Variants in GAS6 observed in about 807,000 individuals in gnomAD.
GAS6 encodes growth arrest specific 6.
Under a neutral mutation model 75.8 loss-of-function variants are expected in GAS6, and 41 were observed. The observed-to-expected ratio is 0.54, with a 90% confidence interval of 0.42 to 0.70. The LOEUF (loss-of-function observed/expected upper bound fraction) is 0.70. GAS6 is among the 30% of genes least tolerant of loss of function. The pLI, the probability that GAS6 is intolerant of heterozygous loss-of-function variation, is 0.00. For missense variants in GAS6, 854 were observed against 940.2 expected, an observed-to-expected ratio of 0.91 and a Z score of 1.20; for synonymous variants, 432 against 412.6, an observed-to-expected ratio of 1.05 and a Z score of -0.57.
intron 4 of GAS6, chr13:113,842,369 C>T: frequency 2.6e-6 from 1 of 390,204 alleles, no homozygotes; most frequent in Non-Finnish European, 4.5e-6. Context: ...TACTCTGAAG[C>T]ACACAGGGGC....
intron 5 of GAS6, among the ~76,000 whole-genome samples, chr13:113,838,501 C>T (rs1283236122): frequency 1.4e-4 from 19 of 135,434 alleles, no homozygotes; most frequent in African/African-American, 5.1e-4. Context: ...GAGGGGACCC[C>T]GGGGGTGCAC....
intron 2 of GAS6, among the ~76,000 whole-genome samples, chr13:113,858,537 C>A (rs111044084): frequency 0.46 from 64,760 of 140,536 alleles, 18,345 homozygotes; most frequent in African/African-American, 0.8. Context: ...GTGTGCATGT[C>A]TGTGTACGTC....
intron 2 of GAS6, among the ~76,000 whole-genome samples, chr13:113,861,581 C>T (rs1468338235): frequency 1.3e-5 from 2 of 152,272 alleles, no homozygotes; most frequent in South Asian, 2.1e-4. Context: ...CTTGGACAGT[C>T]CCCTCGGGCC....
intron 5 of GAS6, chr13:113,839,476 C>T: frequency 2.2e-6 from 1 of 453,236 alleles, no homozygotes; most frequent in Non-Finnish European, 3.9e-6. Flanking sequence ...AAATTTCCCC[C>T]CCCGCCCTTC....
chr13:113,839,643 T>G, intron 5 of GAS6, 85 bp downstream of exon 5: 1 of 1,539,182 alleles, frequency 6.5e-7, no homozygotes. Context: ...AGGATGGCCG[T>G]GCCCCGGAGT....
intron 4 of GAS6, chr13:113,841,788 AC>A (rs2051783720): frequency 3.6e-5 from 1 of 27,764 alleles, no homozygotes; most frequent in African/African-American, 3.1e-4. Context: ...CATACGCCCC[AC>A]AGTTTCCTCC....
At position 113,834,754 on chromosome 13, in the gene GAS6, CCA is replaced by C. The variant is rs1231687347; in HGVS notation, c.713-84_713-83del. On this transcript the variant is annotated intron_variant, in intron 7 of 14. Transcript: ENST00000327773. ...TGGGATCACACCGCGATTGCTCAAA[CCA>C]CACGCAAGGTGCGCTCAAGGAATTA... The C allele has an allele frequency of 1.2e-5, 16 of 1,320,590 alleles. No individual in the cohort carries two copies. The African/African-American group carries it at 2.1e-4, about 17-fold the overall frequency. 81.8% of individuals were successfully genotyped at this position (1,320,590 alleles called of 1,614,324 possible).
In GAS6 at chr13:113,820,733, A is replaced by G. The variant is rs1321897126; in HGVS notation, c.*131T>C. 1.9e-6 allele frequency: 2 copies of G among 1,076,142 alleles called. No homozygotes were observed. Among genetic ancestry groups the G allele is most frequent in the South Asian group, 1.6e-5 (1 of 60,964 alleles). 66.7% of individuals were successfully genotyped at this position (1,076,142 alleles called of 1,614,324 possible). ...CCCAAGTCCATCTCACTATTTACAG[A>G]TATGTTACAGGCCGGGATGGTCACA... On this transcript the variant is annotated 3_prime_UTR_variant, in exon 15 of 15. Transcript: ENST00000327773.
intron 4 of GAS6, chr13:113,842,306 G>A (rs765828916): frequency 5.7e-5 from 17 of 298,878 alleles, no homozygotes; most frequent in South Asian, 1.6e-4. Flanking sequence ...CGGAGCTCGC[G>A]TCTCGAAGTG....
At chr13:113,823,302 C>T (rs2138611096) in intron 13 of GAS6, 73 bp downstream of exon 13, 1 of 1,472,550 alleles carries the variant, frequency 6.8e-7, no homozygotes, top group Non-Finnish European at 9.1e-7. Context: ...CCCCTTCGTC[C>T]CCTGCCAGGG....
intron 3 of GAS6, 26 bp from the exon 4 acceptor site, chr13:113,846,615 C>T: frequency 6.9e-6 from 11 of 1,600,120 alleles, no homozygotes; most frequent in Non-Finnish European, 9.4e-6. Context: ...GAATGGATGT[C>T]AGTCATCCTT....
chr13:113,826,420 CGCT>C (rs1566354469), intron 12 of GAS6, among the ~76,000 whole-genome samples: 2 of 139,374 alleles, frequency 1.4e-5, no homozygotes, highest in African/African-American at 5.3e-5. Context: ...GGCCTCCCGG[CGCT>C]GGCCTCGCAG....
chr13:113,828,189 G>A (rs1306432440), intron 11 of GAS6, among the ~76,000 whole-genome samples: 5 of 152,100 alleles, frequency 3.3e-5, no homozygotes, highest in Non-Finnish European at 7.4e-5. Context: ...GCGTGAACCC[G>A]GGAGGCGGAG....
At chr13:113,854,999 C>T (rs934578518) in intron 2 of GAS6, among the ~76,000 whole-genome samples, 2 of 152,246 alleles carry the variant, frequency 1.3e-5, no homozygotes, top group African/African-American at 4.8e-5. Flanking sequence ...GGAGCAGCCT[C>T]GTGCCCGCAA....
In GAS6 at chr13:113,839,834, G is replaced by A; in HGVS notation, c.360C>T (p.Cys120=). The change falls in exon 5 of 15, where the codon TGC becomes TGT. Residue 120 remains cysteine (C), a synonymous_variant. Coordinates refer to ENST00000327773, the MANE Select transcript of GAS6 (RefSeq NM_000820.4). ...CCTTCCTATCGCAGGGGTTGGGCGT[G>A]CACTGGTCAGGCAGGTCTGATTGGG... ...ATCVQNLPDQ[C]TPNPCDRKGT... is the part of the protein sequence containing the mutation. 1 of 1,613,922 alleles carries A rather than the reference G, an allele frequency of 6.2e-7. No individual in the cohort carries two copies. Among genetic ancestry groups the A allele is most frequent in the Non-Finnish European group, 8.5e-7 (1 of 1,179,984 alleles).
At chr13:113,852,987 C>G (rs59684204) in intron 2 of GAS6, among the ~76,000 whole-genome samples, 13,838 of 152,216 alleles carry the variant, frequency 0.091, 804 homozygotes, top group East Asian at 0.17. Flanking sequence ...TCCAAGGGGC[C>G]GGGGGGACTC....
Position 113,832,828 on chromosome 13 carries a change from C to T in GAS6, c.835-76G>A, listed in dbSNP as rs771303882. 50 of 1,602,122 alleles carry T rather than the reference C, an allele frequency of 3.1e-5. No individual in the cohort carries two copies. In the East Asian group the frequency reaches 7.1e-4, roughly 23 times the overall value. On this transcript the variant is annotated intron_variant, in intron 8 of 14. Coordinates refer to ENST00000327773, the MANE Select transcript of GAS6 (RefSeq NM_000820.4). ...TCCCCTGAGCCCCACGCCCCGGCCG[C>T]GCAGCGGGTCCACTGTCCCTCCTGT...
intron 2 of GAS6, among the ~76,000 whole-genome samples, chr13:113,856,869 A>C (rs1238465101): frequency 1.3e-5 from 2 of 152,228 alleles, no homozygotes; most frequent in Non-Finnish European, 2.9e-5. Flanking sequence ...AGCAATTCAG[A>C]AAAGAAACAA....
At position 113,840,733 on chromosome 13, in the gene GAS6, A is replaced by C. The variant is rs540545765; in HGVS notation, c.344-883T>G. The C allele has an allele frequency of 2.0e-5, 3 of 152,386 alleles. No homozygotes were observed. In the East Asian group the frequency reaches 5.8e-4, roughly 29 times the overall value. The allele number at this position is 152,386 out of a possible 1,614,324, so 9.4% of individuals were successfully genotyped here. A position where few individuals can be genotyped will look rare whatever the true frequency, so the allele number is the denominator to read the frequency against. On this transcript the variant is annotated intron_variant, in intron 4 of 14. Coordinates refer to ENST00000327773, the MANE Select transcript of GAS6 (RefSeq NM_000820.4). The stretch of plus-strand genomic sequence containing the variant: ...CCTTTCATGGCTGCTGGCAGAGCAG[A>C]AGCAGCTCGGGGCTGAGCATGGCAG...
Sources: gnomAD v4.1 joint callset for allele counts (sites outside exome capture counted in the v4.1 genomes callset) on GRCh38, gnomAD v4.1.1 for gene constraint, MANE v1.5 for transcripts, NCBI Gene and HGNC (gene_info 2026-07-23, HGNC 2026-07-21) for gene names.